The following WNT10B variants were observed in gnomAD, a reference collection of about 807,000 sequenced individuals.
WNT10B encodes Wnt family member 10B.
A neutral mutation model predicts 32.7 loss-of-function variants in WNT10B; 26 were observed. The observed-to-expected ratio is 0.79, with a 90% confidence interval of 0.58 to 1.10. WNT10B has a LOEUF of 1.10. WNT10B is among the 50% of genes least tolerant of loss of function. The probability of loss-of-function intolerance (pLI) is 0.00; values close to 1 mark genes in which losing one functional copy is unlikely to be tolerated. For missense variants in WNT10B, 474 were observed against 532.5 expected (o/e 0.89, Z 1.08); for synonymous variants, 204 against 220.4 (o/e 0.93, Z 0.66).
chr12:48,965,969 G>A lies in WNT10B; in HGVS notation c.*126C>T. On this transcript the variant is annotated 3_prime_UTR_variant, in exon 5 of 5. Transcript: ENST00000301061. ...CCTGACCCCCACCACCCCTAAAGCT[G>A]TTTCCAGGTAGATACTTTAAGCTTC... 2 of 1,202,480 alleles carry A rather than the reference G, an allele frequency of 1.7e-6. No individual in the cohort carries two copies. Among genetic ancestry groups the A allele is most frequent in the South Asian group, 1.4e-5 (1 of 74,004 alleles). The allele number at this position is 1,202,480 out of a possible 1,614,324, so 74.5% of individuals were successfully genotyped here. A position where few individuals can be genotyped will look rare whatever the true frequency, so the allele number is the denominator to read the frequency against.
At chr12:48,969,990 C>G (rs1228510655) in intron 3 of WNT10B, 99 bp downstream of exon 3, 1 of 1,348,180 alleles carries the variant, frequency 7.4e-7, no homozygotes, top group African/African-American at 1.6e-5. Flanking sequence ...GAGGCCCCTC[C>G]CGGAGCCGCG....
rs1255674163 is a variant in WNT10B, at chr12:48,965,829, A to T, written c.*266T>A. ...TCTGGAGTTGAGAAGTGGGAGGAGC[A>T]ATACAGTGCATTTCATCTTAGTCCA... On this transcript the variant is annotated 3_prime_UTR_variant, in exon 5 of 5. Transcript: ENST00000301061. 3.8e-6 allele frequency: 2 copies of T among 522,972 alleles called. No homozygotes were observed. Among genetic ancestry groups the T allele is most frequent in the Non-Finnish European group, 6.9e-6 (2 of 288,494 alleles). 32.4% of individuals were successfully genotyped at this position (522,972 alleles called of 1,614,324 possible).
chr12:48,968,249 GCA>G lies in WNT10B; in HGVS notation c.406_407del (p.Cys136GlnfsTer17), dbSNP rs774800391. On this transcript the variant is annotated frameshift_variant, in exon 4 of 5. Transcript: ENST00000301061. LOFTEE classifies it high-confidence loss of function. ...CACAGCTCACCAGCTTGCCCAGGCT[GCA>G]GGCCGTGGCTACTGCGTGCATGACC... The part of the protein sequence containing the change: ...AGVMHAVATA[C>X]SLGKLVSCGC... The G allele has an allele frequency of 6.2e-7, 1 of 1,609,968 alleles. No homozygotes were observed. The highest frequency in any genetic ancestry group is 1.7e-5 in the Admixed American group (1 of 60,026).
Position 48,965,784 on chromosome 12 carries a change from T to C in WNT10B, c.*311A>G. On this transcript the variant is annotated 3_prime_UTR_variant, in exon 5 of 5. Coordinates refer to ENST00000301061, the MANE Select transcript of WNT10B (RefSeq NM_003394.4). The stretch of plus-strand genomic sequence containing the variant: ...AGGGACTCCCCAGCCAAAAGGAGTA[T>C]GAATCAGGGTTAAAGGGGCTCTGGA... The C allele has an allele frequency of 2.6e-6, 1 of 386,976 alleles. No individual in the cohort carries two copies. The highest frequency in any genetic ancestry group is 3.2e-5 in the South Asian group (1 of 30,922). 24.0% of individuals were successfully genotyped at this position (386,976 alleles called of 1,614,324 possible).
At position 48,966,570 on chromosome 12, in the gene WNT10B, A is replaced by G. The variant is rs1940739179; in HGVS notation, c.712-17T>C. The G allele has an allele frequency of 3.7e-6, 6 of 1,610,892 alleles. No homozygotes were observed. The South Asian group carries it at 6.6e-5, about 18-fold the overall frequency. On this transcript the variant is annotated splice_polypyrimidine_tract_variant and intron_variant, in intron 4 of 4. Coordinates refer to ENST00000301061, the MANE Select transcript of WNT10B (RefSeq NM_003394.4). ...AGTTACCACCTAGAGCATCAGGGGG[A>G]AAAGAGGTGAAGCAGAGGGCAGCAA...
rs1163832751 is a variant in WNT10B, at chr12:48,968,227, A to T, written c.430T>A (p.Cys144Ser). Reference sequence around the variant, plus strand: ...CCACTGCCCTTCCAGCCACAGCCACAGCTCACCAGCTTGCCCAGGCTGCAG... The same window carrying T: ...CCACTGCCCTTCCAGCCACAGCCACTGCTCACCAGCTTGCCCAGGCTGCAG... ...TACSLGKLVS[C>S]GCGWKGSGEQ... The change falls in exon 4 of 5, where the codon TGT becomes AGT. Residue 144 changes from cysteine (C) to serine (S), a missense_variant. By Grantham distance (112) the Cys-to-Ser change is moderately radical. Transcript: ENST00000301061. 2 of 1,612,570 alleles carry T rather than the reference A, an allele frequency of 1.2e-6. No homozygotes were observed. Among genetic ancestry groups the T allele is most frequent in the Admixed American group, 3.3e-5 (2 of 60,024 alleles).
rs3741627 is a variant in WNT10B at position 48,965,804 on chromosome 12, T to G, written c.*291A>C. ...GAGTATGAATCAGGGTTAAAGGGGC[T>G]CTGGAGTTGAGAAGTGGGAGGAGCA... On this transcript the variant is annotated 3_prime_UTR_variant, in exon 5 of 5. Transcript: ENST00000301061. The G allele has an allele frequency of 0.35, 157,029 of 444,980 alleles. 30,234 individuals are homozygous for G. Among genetic ancestry groups the G allele is most frequent in the Admixed American group, 0.49 (14,199 of 28,832 alleles). The allele number at this position is 444,980 out of a possible 1,614,324, so 27.6% of individuals were successfully genotyped here.
chr12:48,966,013 T>G lies in WNT10B; in HGVS notation c.*82A>C. 6.5e-7 allele frequency: 1 copy of G among 1,542,260 alleles called. No individual in the cohort carries two copies. The highest frequency in any genetic ancestry group is 8.8e-7 in the Non-Finnish European group (1 of 1,130,312). On this transcript the variant is annotated 3_prime_UTR_variant, in exon 5 of 5. Coordinates refer to ENST00000301061, the MANE Select transcript of WNT10B (RefSeq NM_003394.4). ...AAGCTTCCAGGGACCAAGAGTGACC[T>G]TGGAAGGAAATCAGAGCAAAGGGCT...
chr12:48,970,508 G>A lies in WNT10B; in HGVS notation c.22C>T (p.Arg8Trp). 6.3e-7 allele frequency: 1 copy of A among 1,591,816 alleles called. No individual in the cohort carries two copies. Among genetic ancestry groups the A allele is most frequent in the Non-Finnish European group, 8.6e-7 (1 of 1,169,546 alleles). ...CCCGCGAGGCCCGAGGGCGGAGGCC[G>A]CGGCCGGGGCTCCTCCAGCATGTCG... is the stretch of plus-strand genomic sequence containing the variant. MLEEPRP[R>W]PPPSGLAGLL... Residue 8 changes from arginine to tryptophan, a missense_variant, in exon 2 of 5, where the codon CGG becomes TGG. Transcript: ENST00000301061. The surrounding 1 kb of genome is among the most constrained non-coding windows in gnomAD (Gnocchi z 5.0).
rs1156457501 is a variant in WNT10B, at chr12:48,967,821, G to T, written c.711+125C>A. ...TCTTTACAGATACAAAACTGAGGCT[G>T]GGTGACTTGCTGATGGTGAGTGTCA... On this transcript the variant is annotated intron_variant, in intron 4 of 4. Coordinates refer to ENST00000301061, the MANE Select transcript of WNT10B (RefSeq NM_003394.4). 1.5e-5 allele frequency: 20 copies of T among 1,314,000 alleles called. 1 individual carries two copies. The East Asian group carries it at 4.2e-4, about 28-fold the overall frequency. The allele number at this position is 1,314,000 out of a possible 1,614,324, so 81.4% of individuals were successfully genotyped here.
chr12:48,969,956 CG>C (rs1232834871), intron 3 of WNT10B, 132 bp downstream of exon 3: 143 of 1,128,038 alleles, frequency 1.3e-4, no homozygotes, highest in South Asian at 2.3e-4. Context: ...AGAGCGGCTC[CG>C]GGGGGGGCGG....
chr12:48,968,125 G>A lies in WNT10B; in HGVS notation c.532C>T (p.Pro178Ser). 4 of 1,614,258 alleles carry A rather than the reference G, an allele frequency of 2.5e-6. No homozygotes were observed. Among genetic ancestry groups the A allele is most frequent in the South Asian group, 2.2e-5 (2 of 91,088 alleles). Residue 178 changes from proline (P) to serine (S), a missense_variant, in exon 4 of 5, where the codon CCC becomes TCC. Transcript: ENST00000301061. The stretch of plus-strand genomic sequence containing the variant: ...GGGCTTGAGCCAGGGCCAGGGCTGG[G>A]CAGAGAGTGGGGGAAACTCTTGCCT... Reference protein sequence around the residue: ...SRGKSFPHSLPSPGPGSSPSP... With the variant: ...SRGKSFPHSLSSPGPGSSPSP...
chr12:48,969,961 G>A (rs1940815857), intron 3 of WNT10B, 128 bp downstream of exon 3: 1 of 1,184,232 alleles, frequency 8.4e-7, no homozygotes, highest in Non-Finnish European at 1.1e-6. Flanking sequence ...GGCTCCGGGG[G>A]GGGCGGGGAA....
At chr12:48,966,886 C>A (rs1490719237) in intron 4 of WNT10B, among the ~76,000 whole-genome samples, 1 of 152,296 alleles carries the variant, frequency 6.6e-6, no homozygotes, top group African/African-American at 2.4e-5. Flanking sequence ...CCACAGCATG[C>A]CTAAATTCTG....
intron 3 of WNT10B, chr12:48,969,256 C>A: frequency 2.5e-6 from 1 of 403,656 alleles, no homozygotes; most frequent in South Asian, 1.9e-5. Context: ...ACCCCAGGAT[C>A]TAGGGCTCCT....
In WNT10B at chr12:48,966,276, C is replaced by A; in HGVS notation, c.989G>T (p.Arg330Met). 6.2e-7 allele frequency: 1 copy of A among 1,614,212 alleles called. No individual in the cohort carries two copies. Among genetic ancestry groups the A allele is most frequent in the Non-Finnish European group, 8.5e-7 (1 of 1,180,040 alleles). Reference sequence around the variant, plus strand: ...GCTGGTCTTGTTGCAGGCCCGGCCCCTTGTCCCTGGGGAGCCCATAGTGGG... The same window carrying A: ...GCTGGTCTTGTTGCAGGCCCGGCCCATTGTCCCTGGGGAGCCCATAGTGGG... ...RDPTMGSPGTRGRACNKTSRL... is the reference protein window; with the variant it reads ...RDPTMGSPGTMGRACNKTSRL... The change falls in exon 5 of 5, where the codon AGG (arginine) becomes ATG (methionine). Residue 330 changes from arginine to methionine, a missense_variant. Physicochemically the swap from Arg to Met is moderately conservative, Grantham distance 91 (BLOSUM62 -1). Coordinates refer to ENST00000301061, the MANE Select transcript of WNT10B (RefSeq NM_003394.4).
In WNT10B at chr12:48,970,161, C is replaced by G; in HGVS notation, c.265G>C (p.Asp89His). Residue 89 changes from aspartate (D) to histidine (H), a missense_variant, in exon 3 of 5, where the codon GAC becomes CAC. By Grantham distance (81) the Asp-to-His change is moderately conservative. Coordinates refer to ENST00000301061, the MANE Select transcript of WNT10B (RefSeq NM_003394.4). The surrounding 1 kb of genome is among the most constrained non-coding windows in gnomAD (Gnocchi z 5.0). ...AVHECQHQLR[D>H]QRWNCSALEG... ...AGCGCGGAGCAGTTCCAGCGCTGGT[C>G]GCGCAGCTGGTGCTGACACTCGTGG... The G allele has an allele frequency of 6.5e-7, 1 of 1,549,282 alleles. No individual in the cohort carries two copies. The highest frequency in any genetic ancestry group is 8.7e-7 in the Non-Finnish European group (1 of 1,150,020).
chr12:48,970,219 C>T lies in WNT10B; in HGVS notation c.207G>A (p.Thr69=), dbSNP rs1418836846. 1 of 1,603,290 alleles carries T rather than the reference C, an allele frequency of 6.2e-7. No homozygotes were observed. The highest frequency in any genetic ancestry group is 8.5e-7 in the Non-Finnish European group (1 of 1,175,228). Residue 69 remains threonine (T), a synonymous_variant, in exon 3 of 5, where the codon ACG becomes ACA. Transcript: ENST00000301061. The surrounding 1 kb of genome is among the most constrained non-coding windows in gnomAD (Gnocchi z 5.0). ...TGTGCAGACCCTGAAGCGCGGACGC[C>T]GTCACGTCGGGGTTGCGCAGGCACA... ...LGLCLRNPDV[T]ASALQGLHIA...
In WNT10B at chr12:48,966,375, G is replaced by T; in HGVS notation, c.890C>A (p.Pro297His). The T allele has an allele frequency of 6.2e-7, 1 of 1,614,130 alleles. No homozygotes were observed. Among genetic ancestry groups the T allele is most frequent in the East Asian group, 2.2e-5 (1 of 44,876 alleles). ...THNRNSGAFQ[P>H]RLRPRRLSGE... The stretch of plus-strand genomic sequence containing the variant: ...TGAGAGGCGACGGGGACGCAGACGG[G>T]GCTGGAAGGCTCCAGAATTGCGGTT... Residue 297 changes from proline (P) to histidine (H), a missense_variant, in exon 5 of 5, where the codon CCC becomes CAC. By Grantham distance (77) the Pro-to-His change is moderately conservative. Transcript: ENST00000301061.
Sources: allele counts gnomAD v4.1 joint callset (sites outside exome capture counted in the v4.1 genomes callset), GRCh38; gene constraint gnomAD v4.1.1; non-coding constraint Gnocchi (gnomAD v3.1); transcripts MANE v1.5; gene names NCBI Gene and HGNC (gene_info 2026-07-23, HGNC 2026-07-21).